The following PTPN12 variants were observed in gnomAD, a reference collection of about 807,000 sequenced individuals.
PTPN12 encodes tyrosine-protein phosphatase non-receptor type 12.
PTPN12 carries 29 observed loss-of-function variants against 97.6 expected under a neutral mutation model. The ratio of observed to expected loss-of-function variants is 0.30; its 90% confidence interval spans 0.22 to 0.41. The LOEUF (loss-of-function observed/expected upper bound fraction) is 0.41. Ranked by LOEUF, PTPN12 falls within the 10% of genes least tolerant of loss-of-function variation. The pLI is 1.00. For synonymous variants in PTPN12, 327 were observed against 300.4 expected, an observed-to-expected ratio of 1.09 and a Z score of -0.91; for missense variants, 819 against 926.0, an observed-to-expected ratio of 0.88 and a Z score of 1.50.
At chr7:77,563,833 C>G (rs1290623536) in intron 1 of PTPN12, 2 of 274,644 alleles carry the variant, frequency 7.3e-6, no homozygotes, top group Non-Finnish European at 1.5e-5. Context: ...TATTTTGCAA[C>G]TAAAGGTAGA....
chr7:77,540,128 C>G (rs1325621161), intron 1 of PTPN12, among the ~76,000 whole-genome samples: 1 of 152,138 alleles, frequency 6.6e-6, no homozygotes, highest in East Asian at 1.9e-4. Context: ...GCCATCAGGA[C>G]AGGTTGCCCA....
intron 13 of PTPN12, among the ~76,000 whole-genome samples, chr7:77,630,439 A>C (rs2151401316): frequency 6.6e-6 from 1 of 152,350 alleles, no homozygotes; most frequent in South Asian, 2.1e-4. Context: ...TAGATGGTAT[A>C]GTATATACTA....
chr7:77,620,949 A>G (rs186355847), intron 12 of PTPN12, among the ~76,000 whole-genome samples: 234 of 152,128 alleles, frequency 1.5e-3, no homozygotes, highest in African/African-American at 5.4e-3. Context: ...CTTTGTCTCA[A>G]AAATAAAAAA....
chr7:77,545,414 G>A (rs1234660496), intron 1 of PTPN12, among the ~76,000 whole-genome samples: 1 of 152,006 alleles, frequency 6.6e-6, no homozygotes, highest in Non-Finnish European at 1.5e-5. Flanking sequence ...AAAAATATAA[G>A]TTAAAAAAAC....
chr7:77,592,119 A>C (rs1787886436), intron 5 of PTPN12, 66 bp from the exon 6 acceptor site: 1 of 1,393,712 alleles, frequency 7.2e-7, no homozygotes, highest in Admixed American at 1.9e-5. Context: ...CAGGACACAA[A>C]ATATTTATAA....
rs1224197653 is a variant in PTPN12, at chr7:77,635,768, T to G, written c.2075-14T>G. 6.4e-7 allele frequency: 1 copy of G among 1,566,880 alleles called. No individual in the cohort carries two copies. The highest frequency in any genetic ancestry group is 1.9e-5 in the Admixed American group (1 of 53,140). On this transcript the variant is annotated splice_polypyrimidine_tract_variant and intron_variant, in intron 14 of 17. Coordinates refer to ENST00000248594, the MANE Select transcript of PTPN12 (RefSeq NM_002835.4). ...TTCAAGGTGTTAATAACAATAAGAT[T>G]TCATTTTTCTCAGATACACCTGTAA...
At chr7:77,551,998 A>G (rs117641135) in intron 1 of PTPN12, among the ~76,000 whole-genome samples, 74 of 152,356 alleles carry the variant, frequency 4.9e-4, no homozygotes, top group Non-Finnish European at 9.8e-4. Flanking sequence ...GGATTTTGCA[A>G]CTGAAATAAT....
At chr7:77,565,493 G>A (rs1263095466) in intron 1 of PTPN12, among the ~76,000 whole-genome samples, 1 of 152,194 alleles carries the variant, frequency 6.6e-6, no homozygotes, top group African/African-American at 2.4e-5. Context: ...GAATGGTGGT[G>A]CTATTTGGGC....
chr7:77,610,922 T>G (rs776923140), intron 10 of PTPN12, 26 bp from the exon 11 acceptor site: 6 of 1,585,660 alleles, frequency 3.8e-6, no homozygotes, highest in Non-Finnish European at 5.1e-6. Flanking sequence ...TTCATTTTGT[T>G]TTTTAATCAT....
chr7:77,622,859 A>G (rs1788991093), intron 12 of PTPN12, among the ~76,000 whole-genome samples: 1 of 151,950 alleles, frequency 6.6e-6, no homozygotes, highest in South Asian at 2.1e-4. Context: ...TTTCCAATAA[A>G]ATTTCCAAAA....
At chr7:77,570,130 C>T (rs1808412915) in intron 1 of PTPN12, among the ~76,000 whole-genome samples, 1 of 151,966 alleles carries the variant, frequency 6.6e-6, no homozygotes, top group African/African-American at 2.4e-5. Context: ...AAATCTTTAT[C>T]ATAAAGAAAA....
chr7:77,564,744 G>GTTTTTTTTTTTTTTTTTTTTTTTTTT (rs1329627463), intron 1 of PTPN12, among the ~76,000 whole-genome samples: 1 of 34,364 alleles, frequency 2.9e-5, no homozygotes, highest in Non-Finnish European at 5.4e-5. Flanking sequence ...TTTTGTTGTC[G>GTTTTTTTTTTTTTTTTTTTTTTTTTT]TGTTTTTTTT....
At chr7:77,572,237 T>G (rs1787167927) in intron 2 of PTPN12, among the ~76,000 whole-genome samples, 2 of 152,028 alleles carry the variant, frequency 1.3e-5, no homozygotes, top group South Asian at 4.1e-4. Flanking sequence ...GGGACAGCTC[T>G]AATACAGGTG....
At chr7:77,585,283 A>G (rs541247115) in intron 4 of PTPN12, 3 of 298,700 alleles carry the variant, frequency 1.0e-5, no homozygotes, top group Admixed American at 9.9e-5. Flanking sequence ...GTAAATCTGT[A>G]AGATTTACAT....
In PTPN12 at chr7:77,627,404, A is replaced by G; in HGVS notation, c.1725A>G (p.Gln575=). ...TVSLTPSPTT[Q]VETPDLVDHD... ...GTTTAACACCAAGTCCTACAACACA[A>G]GTTGAAACACCTGATCTTGTGGATC... Residue 575 remains glutamine (Q), a synonymous_variant, in exon 13 of 18, where the codon CAA becomes CAG. Transcript: ENST00000248594. 1.2e-6 allele frequency: 2 copies of G among 1,614,188 alleles called. No homozygotes were observed. Among genetic ancestry groups the G allele is most frequent in the South Asian group, 1.1e-5 (1 of 91,082 alleles).
rs1416375726 is a variant in PTPN12, at chr7:77,573,088, AAAAAAAAACAAAAAAAC to A, written c.208+1912_208+1928del. Among the ~76,000 whole-genome samples the A allele has an allele frequency of 4.4e-5, 5 of 112,544 alleles. 1 individual carries two copies. The highest frequency in any genetic ancestry group is 5.3e-4 in the East Asian group (1 of 1,870). 73.8% of individuals were successfully genotyped at this position (112,544 alleles called of 152,430 possible). ...ACAGAGTAAGACTCTATCTCAAAAAAAAAAAAAACAAAAAAACAAAAAAAACCAGTGTACCTAGCACA... is the reference window on the plus strand; with the variant it reads ...ACAGAGTAAGACTCTATCTCAAAAAAAAAAAAAACCAGTGTACCTAGCACA... On this transcript the variant is annotated intron_variant, in intron 2 of 17. Coordinates refer to ENST00000248594, the MANE Select transcript of PTPN12 (RefSeq NM_002835.4).
chr7:77,605,437 T>TTTTTTTTTTG (rs1788336516), intron 8 of PTPN12, among the ~76,000 whole-genome samples: 1 of 112,002 alleles, frequency 8.9e-6, no homozygotes, highest in Non-Finnish European at 1.7e-5. Context: ...TTTTTTTTTT[T>TTTTTTTTTTG]GAGACGGAGT....
chr7:77,636,887 T>A (rs1465766728), intron 15 of PTPN12, 131 bp from the exon 16 acceptor site: 2 of 620,338 alleles, frequency 3.2e-6, no homozygotes, highest in Non-Finnish European at 5.5e-6. Context: ...AAACAATTGT[T>A]TGCTTTTCCT....
At chr7:77,569,763 C>G (rs1808398826) in intron 1 of PTPN12, among the ~76,000 whole-genome samples, 2 of 152,034 alleles carry the variant, frequency 1.3e-5, no homozygotes, top group Admixed American at 6.5e-5. Context: ...AGAGTGAGAT[C>G]CTGTCTCAAA....
Sources: gnomAD v4.1 joint callset for allele counts (sites outside exome capture counted in the v4.1 genomes callset) on GRCh38, gnomAD v4.1.1 for gene constraint, MANE v1.5 for transcripts, NCBI Gene and HGNC (gene_info 2026-07-23, HGNC 2026-07-21) for gene names.